The following RGL1 variants were observed in gnomAD, a reference collection of about 807,000 sequenced individuals.
The protein encoded by RGL1 is ral guanine nucleotide dissociation stimulator like 1, also known as ral guanine nucleotide dissociation stimulator-like 1.
A neutral mutation model predicts 95.2 loss-of-function variants in RGL1; 24 were observed. That is an observed-to-expected ratio of 0.25 (90% CI 0.18 to 0.35). RGL1 has a LOEUF of 0.35. Ranked by LOEUF, RGL1 falls within the 10% of genes least tolerant of loss-of-function variation. The probability of loss-of-function intolerance (pLI) is 1.00; values close to 1 mark genes in which losing one functional copy is unlikely to be tolerated. For missense variants in RGL1, 715 were observed against 936.3 expected, an observed-to-expected ratio of 0.76 and a Z score of 3.08; for synonymous variants, 329 against 344.9, an observed-to-expected ratio of 0.95 and a Z score of 0.51.
intron 11 of RGL1, among the ~76,000 whole-genome samples, chr1:183,901,166 A>C (rs1314451105): frequency 2.0e-5 from 3 of 151,918 alleles, no homozygotes; most frequent in Non-Finnish European, 4.4e-5. Flanking sequence ...GGGCATGGTG[A>C]CACATGCCTG....
At chr1:183,842,367 G>T (rs1301192914) in intron 2 of RGL1, among the ~76,000 whole-genome samples, 1 of 151,358 alleles carries the variant, frequency 6.6e-6, no homozygotes, top group African/African-American at 2.4e-5. Context: ...CACCCAACTG[G>T]TTAACAGTTT....
chr1:183,905,592 A>G (rs747582579), intron 13 of RGL1, among the ~76,000 whole-genome samples: 3 of 152,212 alleles, frequency 2.0e-5, no homozygotes, highest in Non-Finnish European at 4.4e-5. Flanking sequence ...GTGGCCTGAC[A>G]TGTTTGGCAT....
chr1:183,852,035 TA>T (rs1438307146), intron 3 of RGL1, among the ~76,000 whole-genome samples: 1 of 152,260 alleles, frequency 6.6e-6, no homozygotes, highest in Non-Finnish European at 1.5e-5. Context: ...GTAGTTTGCT[TA>T]TCTGTTGTGA....
chr1:183,899,215 G>T (rs1572573828), intron 10 of RGL1, among the ~76,000 whole-genome samples: 1 of 152,198 alleles, frequency 6.6e-6, no homozygotes, highest in East Asian at 1.9e-4. Flanking sequence ...TCAATACTAA[G>T]AAACTGACAC....
At chr1:183,779,371 C>T (rs1659782072) in intron 2 of RGL1, among the ~76,000 whole-genome samples, 1 of 152,026 alleles carries the variant, frequency 6.6e-6, no homozygotes, top group Admixed American at 6.5e-5. Context: ...GCCTCAGCCT[C>T]CTTAGTAGCT....
chr1:183,714,861 G>A (rs1414524106), intron 1 of RGL1, among the ~76,000 whole-genome samples: 2 of 152,160 alleles, frequency 1.3e-5, no homozygotes, highest in East Asian at 1.9e-4. Context: ...ATGAAGACCC[G>A]TTGCTCACAG....
intron 1 of RGL1, among the ~76,000 whole-genome samples, chr1:183,662,103 C>A (rs1326142251): frequency 6.6e-6 from 1 of 150,682 alleles, no homozygotes; most frequent in African/African-American, 2.5e-5. Flanking sequence ...CAGCCAATAT[C>A]ATACTTAATG....
chr1:183,714,729 A>T (rs1006975791), intron 1 of RGL1, among the ~76,000 whole-genome samples: 1 of 152,208 alleles, frequency 6.6e-6, no homozygotes, highest in Non-Finnish European at 1.5e-5. Context: ...TCTTTTAATA[A>T]CTGTATCGAA....
chr1:183,882,788 C>T (rs566385724), intron 5 of RGL1, among the ~76,000 whole-genome samples: 1 of 152,250 alleles, frequency 6.6e-6, no homozygotes, highest in South Asian at 2.1e-4. Flanking sequence ...GAAGGAAAGC[C>T]ACTGTGACTT....
chr1:183,686,225 G>A (rs945728442), intron 1 of RGL1, among the ~76,000 whole-genome samples: 7 of 151,944 alleles, frequency 4.6e-5, no homozygotes, highest in African/African-American at 1.7e-4. Context: ...AGTAATATAT[G>A]TTCATGATGC....
intron 1 of RGL1, among the ~76,000 whole-genome samples, chr1:183,734,960 T>G (rs1191660001): frequency 6.6e-6 from 1 of 152,200 alleles, no homozygotes; most frequent in Admixed American, 6.5e-5. Flanking sequence ...CTGTTTTCCT[T>G]GTGTTGGCCC....
intron 1 of RGL1, among the ~76,000 whole-genome samples, chr1:183,732,802 A>G (rs1385592982): frequency 6.6e-6 from 1 of 152,194 alleles, no homozygotes; most frequent in African/African-American, 2.4e-5. Flanking sequence ...TTGAGTAACC[A>G]TTGAATGTAT....
At chr1:183,808,745 T>C (rs1661505655) in intron 2 of RGL1, among the ~76,000 whole-genome samples, 1 of 151,996 alleles carries the variant, frequency 6.6e-6, no homozygotes, top group Non-Finnish European at 1.5e-5. Context: ...GGTGTTGTGA[T>C]GATCTCTCTC....
chr1:183,657,881 C>A (rs141840441), intron 1 of RGL1, among the ~76,000 whole-genome samples: 2 of 151,836 alleles, frequency 1.3e-5, no homozygotes, highest in African/African-American at 4.9e-5. Flanking sequence ...CTTCCACAAT[C>A]GTTGAACTAG....
At chr1:183,657,136 T>C (rs1248687964) in intron 1 of RGL1, among the ~76,000 whole-genome samples, 3 of 152,322 alleles carry the variant, frequency 2.0e-5, no homozygotes, top group Non-Finnish European at 2.9e-5. Context: ...CTGTTAAATC[T>C]GTATAGCACT....
chr1:183,870,378 T>G (rs1666104704), intron 4 of RGL1, among the ~76,000 whole-genome samples: 1 of 114,066 alleles, frequency 8.8e-6, no homozygotes. Context: ...CCGGCCAGGG[T>G]AGGTGTCTTC....
chr1:183,661,923 T>C (rs1307936293), intron 1 of RGL1, among the ~76,000 whole-genome samples: 5 of 149,838 alleles, frequency 3.3e-5, no homozygotes, highest in African/African-American at 1.0e-4. Context: ...AATCAATAAA[T>C]GTAATCCAGC....
intron 15 of RGL1, among the ~76,000 whole-genome samples, chr1:183,916,043 C>T (rs1318833649): frequency 2.6e-5 from 4 of 152,330 alleles, no homozygotes; most frequent in Non-Finnish European, 5.9e-5. Flanking sequence ...TCTCTCACTA[C>T]GAAATCTGAC....
At chr1:183,742,063 T>C (rs892865124) in intron 1 of RGL1, 1 of 1,388,866 alleles carries the variant, frequency 7.2e-7, no homozygotes, top group Admixed American at 1.9e-5. Context: ...ATAATTTGCT[T>C]CGATGTCTCT....
Sources: gnomAD v4.1 joint callset for allele counts (sites outside exome capture counted in the v4.1 genomes callset) on GRCh38, gnomAD v4.1.1 for gene constraint, MANE v1.5 for transcripts, NCBI Gene and HGNC (gene_info 2026-07-23, HGNC 2026-07-21) for gene names.